Variants in BRD1 observed in about 807,000 individuals in gnomAD.
BRD1 encodes bromodomain-containing protein 1.
In BRD1, 24 loss-of-function variants were observed where a neutral mutation model predicts 107.7. The observed-to-expected ratio is 0.22, with a 90% CI of 0.16 to 0.31. The LOEUF (loss-of-function observed/expected upper bound fraction) is 0.31, where lower values mean the gene tolerates loss of function less well. Ranked by LOEUF, BRD1 falls within the 10% of genes least tolerant of loss-of-function variation. BRD1 has a pLI of 1.00. For missense variants in BRD1, 1,279 were observed against 1,638.6 expected, an observed-to-expected ratio of 0.78 and a Z score of 3.79; for synonymous variants, 744 against 686.1, an observed-to-expected ratio of 1.08 and a Z score of -1.32.
rs371633392 is a variant in BRD1, at chr22:49,778,896, C to G, written c.2858-1083G>C. 4.2e-3 allele frequency among the ~76,000 whole-genome samples: 643 copies of G among 152,234 alleles called. 1 individual carries two copies. The highest frequency in any genetic ancestry group is 0.014 in the African/African-American group (590 of 41,540). On this transcript the variant is annotated intron_variant, in intron 8 of 12. Transcript: ENST00000404760. ...CAGGATGGTCTCAATCTCCTGACCT[C>G]GTGATCCGCCTGCCTCGGCCTCCCA...
At chr22:49,781,366 G>A (rs1203131636) in intron 8 of BRD1, among the ~76,000 whole-genome samples, 2 of 152,184 alleles carry the variant, frequency 1.3e-5, no homozygotes, top group African/African-American at 4.8e-5. Flanking sequence ...CTGAGACACC[G>A]CCCCTCCCCA....
intron 2 of BRD1, among the ~76,000 whole-genome samples, chr22:49,808,520 A>G (rs909920709): frequency 6.6e-6 from 1 of 152,178 alleles, no homozygotes. Context: ...GCAGCCAGGG[A>G]GGGAGGAATG....
chr22:49,822,807 A>C, intron 2 of BRD1, 144 bp downstream of exon 2: 1 of 935,096 alleles, frequency 1.1e-6, no homozygotes, highest in Non-Finnish European at 1.6e-6. Flanking sequence ...AAACAAGCAG[A>C]ACCACACTTC....
At chr22:49,804,077 C>T (rs143265487) in intron 3 of BRD1, 127 bp downstream of exon 3, 62 of 776,520 alleles carry the variant, frequency 8.0e-5, no homozygotes, top group Non-Finnish European at 8.2e-5. Flanking sequence ...CTGGACGAGA[C>T]GGAGGCTTCC....
chr22:49,808,909 G>C (rs2059797340), intron 2 of BRD1, among the ~76,000 whole-genome samples: 1 of 152,038 alleles, frequency 6.6e-6, no homozygotes, highest in Non-Finnish European at 1.5e-5. Flanking sequence ...ATGAGGTCAG[G>C]AGTTCAAGAC....
chr22:49,777,557 G>C, intron 9 of BRD1, 121 bp downstream of exon 9: 1 of 1,400,332 alleles, frequency 7.1e-7, no homozygotes. Flanking sequence ...ATGAATCCCA[G>C]GCCAGAATTT....
At chr22:49,785,353 A>C (rs1222323280) in intron 8 of BRD1, among the ~76,000 whole-genome samples, 2 of 152,256 alleles carry the variant, frequency 1.3e-5, no homozygotes, top group African/African-American at 2.4e-5. Flanking sequence ...CCACGCACGC[A>C]GCCCCATACC....
chr22:49,794,279 T>C lies in BRD1; in HGVS notation c.2114A>G (p.Asp705Gly), dbSNP rs1187901287. The C allele has an allele frequency of 6.2e-7, 1 of 1,610,842 alleles. No homozygotes were observed. The highest frequency in any genetic ancestry group is 8.5e-7 in the Non-Finnish European group (1 of 1,178,018). ...GCCCAGGTGGGCTCTGTTGGCGGGG[T>C]CCAGCAACCTGTCCACTGAACCAAA... ...FSWEDVDRLL[D>G]PANRAHLGLE... The change falls in exon 7 of 13, where the codon GAC becomes GGC. Residue 705 changes from aspartate (D) to glycine (G), a missense_variant. Coordinates refer to ENST00000404760, the MANE Select transcript of BRD1 (RefSeq NM_001304808.3).
chr22:49,818,199 G>A (rs983061512), intron 2 of BRD1: 3 of 1,118,882 alleles, frequency 2.7e-6, no homozygotes, highest in Non-Finnish European at 3.4e-6. Context: ...AAGGTAGGAG[G>A]AGCACCCATC....
intron 2 of BRD1, among the ~76,000 whole-genome samples, chr22:49,815,647 T>G (rs186109548): frequency 1.3e-5 from 2 of 152,124 alleles, no homozygotes; most frequent in Non-Finnish European, 2.9e-5. Context: ...GGCTCTGTTG[T>G]GAGCTGCCAG....
At chr22:49,821,949 T>G (rs900984587) in intron 2 of BRD1, among the ~76,000 whole-genome samples, 1 of 152,232 alleles carries the variant, frequency 6.6e-6, no homozygotes, top group Admixed American at 6.5e-5. Context: ...CACCCTTTCC[T>G]CAGGGCATCT....
chr22:49,806,963 A>G (rs1007766729), intron 2 of BRD1: 1 of 150,356 alleles, frequency 6.7e-6, no homozygotes, highest in Non-Finnish European at 1.5e-5. Context: ...GCACCATTGC[A>G]CTCCAGCCTG....
chr22:49,774,609 G>A (rs1032910227), intron 12 of BRD1, among the ~76,000 whole-genome samples, 193 bp from the exon 13 acceptor site: 1 of 151,928 alleles, frequency 6.6e-6, no homozygotes, highest in Non-Finnish European at 1.5e-5. Context: ...TCCCCGACTT[G>A]GGGATACGGG....
chr22:49,801,713 G>A (rs539068993), intron 3 of BRD1, among the ~76,000 whole-genome samples: 4 of 152,342 alleles, frequency 2.6e-5, no homozygotes, highest in South Asian at 4.1e-4. Context: ...CCTTACAAAC[G>A]TATTCTGCAC....
At chr22:49,796,294 C>T (rs2059530219) in intron 6 of BRD1, among the ~76,000 whole-genome samples, 1 of 151,542 alleles carries the variant, frequency 6.6e-6, no homozygotes, top group East Asian at 1.9e-4. Flanking sequence ...CAGGGTTTCA[C>T]CACATTAGCC....
chr22:49,805,435 C>A (rs2059723054), intron 2 of BRD1: 1 of 152,266 alleles, frequency 6.6e-6, no homozygotes, highest in African/African-American at 2.4e-5. Context: ...TAGGCTAAAA[C>A]AATCCTGCCC....
rs1209902916 is a variant in BRD1, at chr22:49,823,941, T to C, written c.377A>G (p.Glu126Gly). The C allele has an allele frequency of 6.2e-7, 1 of 1,614,176 alleles. No individual in the cohort carries two copies. Reference sequence around the variant, plus strand: ...CCTGGGGGCGGACGGAGGGCTGTACTCCACGATGCGCACCTTGGGCTCCGG... The same window carrying C: ...CCTGGGGGCGGACGGAGGGCTGTACCCCACGATGCGCACCTTGGGCTCCGG... ...ALPEPKVRIV[E>G]YSPPSAPRRP... The change falls in exon 2 of 13, where the codon GAG (glutamate) becomes GGG (glycine). Residue 126 changes from glutamate to glycine, a missense_variant. Transcript: ENST00000404760.
At chr22:49,818,706 T>C (rs1004551579) in intron 2 of BRD1, among the ~76,000 whole-genome samples, 1 of 151,950 alleles carries the variant, frequency 6.6e-6, no homozygotes, top group African/African-American at 2.4e-5. Flanking sequence ...GCTAACATGG[T>C]GAAACCCCGT....
rs2059250430 is a variant in BRD1, at chr22:49,783,291, A to G, written c.2857+4099T>C. Among the ~76,000 whole-genome samples the G allele has an allele frequency of 6.6e-6, 1 of 152,282 alleles. No homozygotes were observed. The highest frequency in any genetic ancestry group is 2.4e-5 in the African/African-American group (1 of 41,480). On this transcript the variant is annotated intron_variant, in intron 8 of 12. Coordinates refer to ENST00000404760, the MANE Select transcript of BRD1 (RefSeq NM_001304808.3). This position sits in a 1 kb window ranked among gnomAD's most constrained non-coding sequence, Gnocchi z 4.2. ...TCAGCGTGGTGACCAGCAAGAGACA[A>G]ACAGCAGCACTGCTCAAGAATCCAC...
Sources: allele counts gnomAD v4.1 joint callset (sites outside exome capture counted in the v4.1 genomes callset), GRCh38; gene constraint gnomAD v4.1.1; non-coding constraint Gnocchi (gnomAD v3.1); transcripts MANE v1.5; gene names NCBI Gene and HGNC (gene_info 2026-07-23, HGNC 2026-07-21).